The following UNC93A variants were observed in gnomAD, a reference collection of about 807,000 sequenced individuals.
UNC93A encodes the protein N-acetylglucosamine transporter UNC93A.
UNC93A carries 43 observed loss-of-function variants against 47.5 expected under a neutral mutation model. The observed-to-expected ratio is 0.91, with a 90% CI of 0.71 to 1.17. The LOEUF is 1.17. Among genes scored for constraint, UNC93A ranks in the 50% most tolerant of loss-of-function variants. The pLI, the probability that UNC93A is intolerant of heterozygous loss-of-function variation, is 0.00. For missense variants in UNC93A, 605 were observed against 577.6 expected, an observed-to-expected ratio of 1.05 and a Z score of -0.49; for synonymous variants, 280 against 258.0, an observed-to-expected ratio of 1.09 and a Z score of -0.82.
upstream of UNC93A, among the ~76,000 whole-genome samples, chr6:167,290,499 G>A (rs760971464): frequency 2.0e-4 from 31 of 152,100 alleles, no homozygotes; most frequent in Non-Finnish European, 4.1e-4. Flanking sequence ...ACTTATAATT[G>A]AATAAAAATA....
At chr6:167,309,558 G>A (rs1309717942) in intron 7 of UNC93A, among the ~76,000 whole-genome samples, 2 of 152,154 alleles carry the variant, frequency 1.3e-5, no homozygotes, top group Admixed American at 1.3e-4. Context: ...TCACCATTCT[G>A]CCTTTATCTG....
chr6:167,279,646 C>A (rs568261891), intron 1 of UNC93A, among the ~76,000 whole-genome samples: 44 of 152,300 alleles, frequency 2.9e-4, no homozygotes, highest in Admixed American at 2.8e-3. Flanking sequence ...AAAACATATT[C>A]TTTCCTTGTT....
chr6:167,313,393 C>T (rs970815646), intron 7 of UNC93A, among the ~76,000 whole-genome samples: 3 of 152,096 alleles, frequency 2.0e-5, no homozygotes, highest in Admixed American at 6.5e-5. Context: ...GCATTGAGGG[C>T]CCGGAAAGTT....
At position 167,304,129 on chromosome 6, in the gene UNC93A, C is replaced by T. The variant is rs747776544; in HGVS notation, c.836C>T (p.Thr279Ile). The change falls in exon 5 of 8, where the codon ACA (threonine) becomes ATA (isoleucine). Residue 279 changes from threonine to isoleucine, a missense_variant. Transcript: ENST00000230256. ...LQQGFLSSEYTRSYVTCTLGI... is the reference protein window; with the variant it reads ...LQQGFLSSEYIRSYVTCTLGI... Reference sequence around the variant, plus strand: ...CAAGGATTCCTCTCCAGCGAATACACAAGGGTATGAACGAAAGTGAGGGCC... The same window carrying T: ...CAAGGATTCCTCTCCAGCGAATACATAAGGGTATGAACGAAAGTGAGGGCC... 3.1e-6 allele frequency: 5 copies of T among 1,614,068 alleles called. No individual in the cohort carries two copies. Among genetic ancestry groups the T allele is most frequent in the Non-Finnish European group, 4.2e-6 (5 of 1,180,048 alleles).
At chr6:167,294,869 G>A (rs1394548087) in intron 2 of UNC93A, among the ~76,000 whole-genome samples, 171 bp downstream of exon 2, 1 of 151,960 alleles carries the variant, frequency 6.6e-6, no homozygotes, top group Non-Finnish European at 1.5e-5. Flanking sequence ...ACGGTGCTGG[G>A]CTTCCTTCCT....
intron 1 of UNC93A, among the ~76,000 whole-genome samples, chr6:167,293,773 C>G (rs1777960699): frequency 6.6e-6 from 1 of 152,198 alleles, no homozygotes; most frequent in Non-Finnish European, 1.5e-5. Flanking sequence ...TTTGTGGCAC[C>G]TCCCCCTGTA....
upstream of UNC93A, among the ~76,000 whole-genome samples, chr6:167,269,950 G>T (rs1468715361): frequency 6.6e-6 from 1 of 151,228 alleles, no homozygotes; most frequent in Non-Finnish European, 1.5e-5. Context: ...TGTACAGGGG[G>T]TCCTGCATTT....
In UNC93A at chr6:167,315,194, C is replaced by T. The variant is rs149974959; in HGVS notation, c.1116C>T (p.Tyr372=). 4.5e-5 allele frequency: 72 copies of T among 1,613,564 alleles called. No individual in the cohort carries two copies. The African/African-American group carries it at 4.8e-4, about 11-fold the overall frequency. Residue 372 remains tyrosine, a synonymous_variant, in exon 8 of 8, where the codon TAC becomes TAT. Coordinates refer to ENST00000230256, the MANE Select transcript of UNC93A (RefSeq NM_018974.4). ...AVWQTQNNAL[Y]GVLFEKSKEA... is the part of the protein sequence containing the mutation. ...CCGCTCTCTCCTCTGCAGCTCTCTA[C>T]GGCGTTCTGTTTGAGAAGAGCAAGG...
intron 1 of UNC93A, among the ~76,000 whole-genome samples, chr6:167,285,938 T>TTCTC (rs138265267): frequency 0.11 from 14,944 of 131,306 alleles, 1,027 homozygotes; most frequent in African/African-American, 0.14. Context: ...TTAGTTTTCT[T>TTCTC]TCTCTCTCTC....
intron 2 of UNC93A, 46 bp from the exon 3 acceptor site, chr6:167,295,986 G>A: frequency 6.4e-7 from 1 of 1,573,448 alleles, no homozygotes; most frequent in Non-Finnish European, 8.7e-7. Context: ...GGTGCAATGG[G>A]CTTGCGTCTC....
intron 6 of UNC93A, among the ~76,000 whole-genome samples, 181 bp downstream of exon 6, chr6:167,306,231 G>T (rs536536158): frequency 1.3e-5 from 2 of 152,302 alleles, no homozygotes; most frequent in Non-Finnish European, 2.9e-5. Context: ...GCAGGAATCA[G>T]ATCTCTCCCC....
intron 5 of UNC93A, among the ~76,000 whole-genome samples, 168 bp from the exon 6 acceptor site, chr6:167,305,747 C>T (rs1364330302): frequency 6.6e-6 from 1 of 152,206 alleles, no homozygotes; most frequent in Non-Finnish European, 1.5e-5. Context: ...TTCTTACAAA[C>T]ACCAGCTTTT....
intron 1 of UNC93A, among the ~76,000 whole-genome samples, chr6:167,285,921 T>A (rs1160633088): frequency 6.7e-6 from 1 of 149,370 alleles, no homozygotes; most frequent in African/African-American, 2.5e-5. Flanking sequence ...CTATGTCCAG[T>A]GAAGAGTTAG....
chr6:167,270,562 C>T (rs1476480001), upstream of UNC93A, among the ~76,000 whole-genome samples: 4 of 152,118 alleles, frequency 2.6e-5, no homozygotes, highest in South Asian at 2.1e-4. Flanking sequence ...GGTTGAGTTG[C>T]ATCCCCCGGA....
chr6:167,272,719 A>G lies in UNC93A; in HGVS notation c.-52+1261A>G, dbSNP rs183904435. 7.9e-5 allele frequency among the ~76,000 whole-genome samples: 12 copies of G among 152,342 alleles called. No individual in the cohort carries two copies. In the East Asian group the frequency reaches 2.3e-3, roughly 29 times the overall value. On this transcript the variant is annotated intron_variant, in intron 1 of 3. Transcript: ENST00000503433. ...TTTGAAAATGTTCTGGTTGACAATC[A>G]GTTGAGTTTATCTAAAGACTTGGAG...
Position 167,315,471 on chromosome 6 carries a change from A to C in UNC93A, c.*19A>C. The C allele has an allele frequency of 6.2e-7, 1 of 1,613,950 alleles. No homozygotes were observed. The highest frequency in any genetic ancestry group is 8.5e-7 in the Non-Finnish European group (1 of 1,179,874). On this transcript the variant is annotated 3_prime_UTR_variant, in exon 8 of 8. Transcript: ENST00000230256. ...AATGTGAGAGCAGTGAGGTCCGAGGAGGATGAACTCAGAAAGCACCAGCCA... is the reference window on the plus strand; with the variant it reads ...AATGTGAGAGCAGTGAGGTCCGAGGCGGATGAACTCAGAAAGCACCAGCCA...
chr6:167,307,046 C>A (rs1251448132), intron 6 of UNC93A, among the ~76,000 whole-genome samples: 1 of 152,170 alleles, frequency 6.6e-6, no homozygotes. Context: ...ACTTGGAAGG[C>A]TCAGATGAAA....
upstream of UNC93A, among the ~76,000 whole-genome samples, chr6:167,289,136 C>G (rs1783796871): frequency 6.6e-6 from 1 of 152,284 alleles, no homozygotes; most frequent in African/African-American, 2.4e-5. Flanking sequence ...GCTCTGAGAG[C>G]CAAGCCAGCT....
intron 7 of UNC93A, 44 bp downstream of exon 7, chr6:167,307,954 C>G (rs201720906): frequency 1.2e-6 from 2 of 1,605,720 alleles, no homozygotes; most frequent in South Asian, 1.1e-5. Context: ...CAGCAGGGGG[C>G]GGTCCCTGGC....
Sources: gnomAD v4.1 joint callset for allele counts (sites outside exome capture counted in the v4.1 genomes callset) on GRCh38, gnomAD v4.1.1 for gene constraint, MANE v1.5 for transcripts, NCBI Gene and HGNC (gene_info 2026-07-23, HGNC 2026-07-21) for gene names.